The following ZMYND11 variants were observed in gnomAD, a reference collection of about 807,000 sequenced individuals.
ZMYND11 encodes zinc finger MYND-type containing 11, also known as zinc finger MYND domain-containing protein 11.
Under a neutral mutation model 84.9 loss-of-function variants are expected in ZMYND11, and 9 were observed. The ratio of observed to expected loss-of-function variants is 0.11; its 90% CI spans 0.06 to 0.18. ZMYND11 has a LOEUF of 0.18. ZMYND11 is among the 10% of genes least tolerant of loss of function. The pLI, the probability that ZMYND11 is intolerant of heterozygous loss-of-function variation, is 1.00. For missense variants in ZMYND11, 409 were observed against 761.0 expected (o/e 0.54, Z 5.44); for synonymous variants, 250 against 244.1 (o/e 1.02, Z -0.23).
intron 14 of ZMYND11, among the ~76,000 whole-genome samples, chr10:250,062 C>T (rs902953867): frequency 2.0e-5 from 3 of 152,160 alleles, no homozygotes; most frequent in Admixed American, 6.5e-5. Flanking sequence ...CAAGTGAAAG[C>T]GTGCTTTCCG....
At chr10:241,939 ATG>A in intron 9 of ZMYND11, 80 bp from the exon 10 acceptor site, 2 of 1,483,144 alleles carry the variant, frequency 1.3e-6, no homozygotes, top group Non-Finnish European at 1.9e-6. Context: ...AATGGATTAT[ATG>A]TGACTAGTTT....
chr10:149,281 G>GGTT (rs1333070125), intron 1 of ZMYND11, among the ~76,000 whole-genome samples: 63 of 111,202 alleles, frequency 5.7e-4, no homozygotes, highest in South Asian at 2.8e-3. Context: ...ACACTGAGGT[G>GGTT]GTTGTTATTA....
intron 1 of ZMYND11, among the ~76,000 whole-genome samples, chr10:170,701 A>G (rs2131628011): frequency 6.6e-6 from 1 of 152,294 alleles, no homozygotes; most frequent in Non-Finnish European, 1.5e-5. Flanking sequence ...AATTGATGTG[A>G]TAAGAAAGGA....
Position 135,781 on chromosome 10 carries a change from G to C in ZMYND11, c.-20+222G>C, listed in dbSNP as rs1186249738. On this transcript the variant is annotated intron_variant, in intron 1 of 14. Transcript: ENST00000381604. The surrounding 1 kb of genome is among the most constrained non-coding windows in gnomAD (Gnocchi z 5.6). ...GCGGGGCCTGCGAGGGCGGCGGCGGGGCCTGCGGAGGCTGCCGGCCCGCGC... is the reference window on the plus strand; with the variant it reads ...GCGGGGCCTGCGAGGGCGGCGGCGGCGCCTGCGGAGGCTGCCGGCCCGCGC... 1.3e-5 allele frequency among the ~76,000 whole-genome samples: 2 copies of C among 148,490 alleles called. No homozygotes were observed. Among genetic ancestry groups the C allele is most frequent in the African/African-American group, 4.9e-5 (2 of 41,026 alleles).
intron 1 of ZMYND11, among the ~76,000 whole-genome samples, chr10:144,710 A>AT (rs1372666762): frequency 7.8e-6 from 1 of 128,804 alleles, no homozygotes; most frequent in African/African-American, 2.9e-5. Flanking sequence ...CTGGGCTCTA[A>AT]TTTTTTATTT....
intron 1 of ZMYND11, among the ~76,000 whole-genome samples, chr10:178,639 A>G (rs930308560): frequency 4.6e-5 from 7 of 152,308 alleles, no homozygotes; most frequent in African/African-American, 9.6e-5. Context: ...TGATTTTCCT[A>G]AAGTTTTCTT....
chr10:206,602 GC>G, intron 2 of ZMYND11, among the ~76,000 whole-genome samples: 1 of 152,016 alleles, frequency 6.6e-6, no homozygotes, highest in African/African-American at 2.4e-5. Flanking sequence ...CTTGACCCCT[GC>G]TTCATTTAGG....
intron 1 of ZMYND11, among the ~76,000 whole-genome samples, chr10:143,367 C>G (rs1345064914): frequency 6.6e-6 from 1 of 152,106 alleles, no homozygotes; most frequent in Non-Finnish European, 1.5e-5. Flanking sequence ...CTTGTAGATT[C>G]TTGATTTATC....
chr10:239,049 G>A (rs769453347), intron 6 of ZMYND11, among the ~76,000 whole-genome samples: 2 of 152,130 alleles, frequency 1.3e-5, no homozygotes, highest in East Asian at 1.9e-4. Context: ...TTTCAATCTC[G>A]ATCCTCCTGT....
chr10:183,158 A>G (rs781225453), intron 2 of ZMYND11, among the ~76,000 whole-genome samples: 3 of 151,544 alleles, frequency 2.0e-5, no homozygotes, highest in Non-Finnish European at 4.4e-5. Flanking sequence ...TTACTTCTGT[A>G]TAATGGTTTA....
At chr10:177,378 G>C (rs1846886565) in intron 1 of ZMYND11, among the ~76,000 whole-genome samples, 1 of 152,008 alleles carries the variant, frequency 6.6e-6, no homozygotes, top group South Asian at 2.1e-4. Flanking sequence ...CCTCCTTATA[G>C]TGTACCTGTA....
chr10:176,805 A>G (rs1039642764), intron 1 of ZMYND11, among the ~76,000 whole-genome samples: 3 of 152,164 alleles, frequency 2.0e-5, no homozygotes, highest in African/African-American at 7.2e-5. Context: ...AATAATTGGT[A>G]AGGGGCAGGG....
chr10:193,897 C>T (rs949886636), intron 2 of ZMYND11, among the ~76,000 whole-genome samples: 1 of 152,044 alleles, frequency 6.6e-6, no homozygotes, highest in Non-Finnish European at 1.5e-5. Context: ...ATTGGTAGTT[C>T]ATTTGTTTTC....
chr10:144,007 T>TA (rs34431705), intron 1 of ZMYND11, among the ~76,000 whole-genome samples: 70,633 of 144,904 alleles, frequency 0.49, 17,691 homozygotes, highest in African/African-American at 0.63. Context: ...CTGCCTCAAT[T>TA]AAAAAAAAAA....
intron 1 of ZMYND11, among the ~76,000 whole-genome samples, chr10:178,034 G>C (rs1309849328): frequency 1.3e-5 from 2 of 152,076 alleles, no homozygotes; most frequent in Non-Finnish European, 2.9e-5. Context: ...TTAAGAAAGG[G>C]AAAAATTGGC....
chr10:182,831 C>G (rs747159123), intron 2 of ZMYND11, among the ~76,000 whole-genome samples: 2 of 152,028 alleles, frequency 1.3e-5, no homozygotes, highest in African/African-American at 2.4e-5. Flanking sequence ...ATCTTTTGCT[C>G]TAAAGCCTAA....
At chr10:170,759 G>C (rs568660162) in intron 1 of ZMYND11, among the ~76,000 whole-genome samples, 15 of 152,080 alleles carry the variant, frequency 9.9e-5, no homozygotes, top group Non-Finnish European at 1.9e-4. Context: ...ACAAAAGGTA[G>C]AAAAAGTGTG....
At chr10:145,930 G>A (rs782320739) in intron 1 of ZMYND11, among the ~76,000 whole-genome samples, 8 of 151,898 alleles carry the variant, frequency 5.3e-5, no homozygotes, top group Non-Finnish European at 8.8e-5. Flanking sequence ...TTGCTTTTGG[G>A]GTCTTAGTCA....
intron 2 of ZMYND11, among the ~76,000 whole-genome samples, chr10:193,683 CAATT>C (rs1341104086): frequency 2.0e-5 from 3 of 152,222 alleles, no homozygotes; most frequent in African/African-American, 4.8e-5. Flanking sequence ...ACCACCATCT[CAATT>C]AAGATTACAG....
Sources: allele counts gnomAD v4.1 joint callset (sites outside exome capture counted in the v4.1 genomes callset), GRCh38; gene constraint gnomAD v4.1.1; non-coding constraint Gnocchi (gnomAD v3.1); transcripts MANE v1.5; gene names NCBI Gene and HGNC (gene_info 2026-07-23, HGNC 2026-07-21).